Variants in GALNT2 observed in about 807,000 individuals in gnomAD.
The protein encoded by GALNT2 is UDP-GalNAc:polypeptide N-acetylgalactosaminyltransferase 2.
Under a neutral mutation model 81.4 loss-of-function variants are expected in GALNT2, and 31 were observed. The observed-to-expected ratio is 0.38, with a 90% CI of 0.29 to 0.51. The LOEUF (loss-of-function observed/expected upper bound fraction) is 0.51, where lower values mean the gene tolerates loss of function less well. Among genes scored for constraint, GALNT2 ranks in the 20% least tolerant of loss-of-function variants. The pLI is 0.87. For synonymous variants in GALNT2, 303 were observed against 287.4 expected, an observed-to-expected ratio of 1.05 and a Z score of -0.55; for missense variants, 629 against 765.7, an observed-to-expected ratio of 0.82 and a Z score of 2.11.
At chr1:230,087,781 TG>T (rs1659943287) in intron 1 of GALNT2, among the ~76,000 whole-genome samples, 1 of 152,230 alleles carries the variant, frequency 6.6e-6, no homozygotes, top group Non-Finnish European at 1.5e-5. Context: ...AGCTTGAGCT[TG>T]GTCTTCTCTT....
At chr1:230,251,516 T>C (rs566658228) in intron 10 of GALNT2, among the ~76,000 whole-genome samples, 18 of 152,364 alleles carry the variant, frequency 1.2e-4, no homozygotes, top group African/African-American at 4.3e-4. Flanking sequence ...AAAGCTTCTT[T>C]AGGCTCGATT....
chr1:230,164,675 A>G (rs1662546088), intron 1 of GALNT2, among the ~76,000 whole-genome samples: 1 of 151,890 alleles, frequency 6.6e-6, no homozygotes, highest in Non-Finnish European at 1.5e-5. Flanking sequence ...CTGGGACTAC[A>G]GGCGCCCGCC....
chr1:230,263,027 G>A, intron 13 of GALNT2, 22 bp downstream of exon 13: 1 of 1,596,248 alleles, frequency 6.3e-7, no homozygotes, highest in Middle Eastern at 1.7e-4. Flanking sequence ...GGGATCTGGG[G>A]TTTCACTTTG....
chr1:230,118,340 A>C (rs1004834897), intron 1 of GALNT2, among the ~76,000 whole-genome samples: 5 of 152,230 alleles, frequency 3.3e-5, no homozygotes, highest in African/African-American at 7.2e-5. Flanking sequence ...TGTGGACATA[A>C]GTTTTCAACT....
chr1:230,236,296 G>A, intron 4 of GALNT2, 57 bp from the exon 5 acceptor site: 1 of 1,551,320 alleles, frequency 6.4e-7, no homozygotes, highest in Non-Finnish European at 8.9e-7. Context: ...TCTACCCCAG[G>A]CTAAAAGTTT....
upstream of GALNT2, among the ~76,000 whole-genome samples, chr1:230,065,633 C>G (rs1445525052): frequency 6.6e-6 from 1 of 152,074 alleles, no homozygotes; most frequent in African/African-American, 2.4e-5. Flanking sequence ...TTTTCTGTTA[C>G]TAGGCATTTT....
intron 14 of GALNT2, among the ~76,000 whole-genome samples, chr1:230,267,355 A>G (rs1044266220): frequency 6.6e-6 from 1 of 152,246 alleles, no homozygotes; most frequent in Non-Finnish European, 1.5e-5. Context: ...GAAACAGAGG[A>G]GGCACCTGCT....
Position 230,279,521 on chromosome 1 carries a change from T to A in GALNT2, c.*63T>A, listed in dbSNP as rs1666380301. On this transcript the variant is annotated 3_prime_UTR_variant, in exon 16 of 16. Coordinates refer to ENST00000366672, the MANE Select transcript of GALNT2 (RefSeq NM_004481.5). This position sits in a 1 kb window ranked among gnomAD's most constrained non-coding sequence, Gnocchi z 4.6. ...CATTGGGTGGAGTCTGGTGATCACA[T>A]TATTGATTATGTTTCTTAAACTTTC... 9 of 1,550,778 alleles carry A rather than the reference T, an allele frequency of 5.8e-6. No individual in the cohort carries two copies. The African/African-American group carries it at 1.1e-4, about 19-fold the overall frequency.
chr1:230,263,070 C>A, intron 13 of GALNT2, 65 bp downstream of exon 13: 2 of 1,352,552 alleles, frequency 1.5e-6, no homozygotes, highest in Non-Finnish European at 2.1e-6. Flanking sequence ...GCCATAGAAG[C>A]AGCAGAGGGG....
intron 3 of GALNT2, among the ~76,000 whole-genome samples, chr1:230,223,912 C>A (rs1331689108): frequency 6.6e-6 from 1 of 152,210 alleles, no homozygotes; most frequent in African/African-American, 2.4e-5. Flanking sequence ...TCAGGGGTCC[C>A]ACAGACTCCA....
At chr1:230,075,121 CTTT>C (rs34482749) in intron 1 of GALNT2, among the ~76,000 whole-genome samples, 1 of 92,554 alleles carries the variant, frequency 1.1e-5, no homozygotes, top group Non-Finnish European at 1.9e-5. Context: ...GTCTGTTTTG[CTTT>C]TTTTTTTTTT....
At position 230,279,328 on chromosome 1, in the gene GALNT2, C is replaced by G. The variant is rs1410130049; in HGVS notation, c.1586C>G (p.Ser529Cys). ...RQKWEQIEGN[S>C]KLRHVGSNLC... ...AAATGGGAACAGATCGAGGGCAACT[C>G]CAAGCTGAGGCACGTGGGCAGCAAC... Residue 529 changes from serine (S) to cysteine (C), a missense_variant, in exon 16 of 16, where the codon TCC (serine) becomes TGC (cysteine). Ser to Cys is a moderately radical substitution (Grantham distance 112). Around this residue, in one of 3 missense-constraint regions of GALNT2, gnomAD observed 207 missense variants for 225.5 expected, o/e 0.92. Coordinates refer to ENST00000366672, the MANE Select transcript of GALNT2 (RefSeq NM_004481.5). The surrounding 1 kb of genome is among the most constrained non-coding windows in gnomAD (Gnocchi z 4.6). 1.2e-6 allele frequency: 2 copies of G among 1,614,054 alleles called. No homozygotes were observed. The highest frequency in any genetic ancestry group is 1.7e-6 in the Non-Finnish European group (2 of 1,180,046).
intron 2 of GALNT2, among the ~76,000 whole-genome samples, chr1:230,195,174 G>T (rs555582337): frequency 1.3e-5 from 2 of 152,250 alleles, no homozygotes; most frequent in Non-Finnish European, 2.9e-5. Context: ...GCCAGAACCC[G>T]AGAGGTGGCT....
At chr1:230,105,922 A>T (rs139417153) in intron 1 of GALNT2, among the ~76,000 whole-genome samples, 3 of 152,136 alleles carry the variant, frequency 2.0e-5, no homozygotes, top group African/African-American at 4.8e-5. Context: ...GCACACTTTC[A>T]TCTCTCCAGC....
intron 2 of GALNT2, among the ~76,000 whole-genome samples, chr1:230,198,111 A>G (rs952199338): frequency 1.3e-5 from 2 of 152,224 alleles, no homozygotes; most frequent in African/African-American, 4.8e-5. Context: ...AGTCACGCGC[A>G]GGATTGGATT....
chr1:230,150,883 C>T (rs749555194), intron 1 of GALNT2, among the ~76,000 whole-genome samples: 2 of 152,186 alleles, frequency 1.3e-5, no homozygotes, highest in African/African-American at 4.8e-5. Flanking sequence ...AGGAATCCAT[C>T]GTTTTCTTTG....
Position 230,252,843 on chromosome 1 carries a change from CTTTTTT to C in GALNT2, c.1009+2300_1009+2305del, listed in dbSNP as rs58544942. On this transcript the variant is annotated intron_variant, in intron 10 of 15. Transcript: ENST00000366672. ...TTATTTTCTGAAATAGAGACAACTTCTTTTTTTTTTTTTTTTTTTTTTGAGATGGAG... is the reference window on the plus strand; with the variant it reads ...TTATTTTCTGAAATAGAGACAACTTCTTTTTTTTTTTTTTTTGAGATGGAG... 7.4e-3 allele frequency among the ~76,000 whole-genome samples: 581 copies of C among 78,966 alleles called. 7 individuals are homozygous for C. Among genetic ancestry groups the C allele is most frequent in the African/African-American group, 0.028 (553 of 19,620 alleles). The allele number at this position is 78,966 out of a possible 152,430, so 51.8% of individuals were successfully genotyped here.
chr1:230,178,019 C>A (rs1185262050), intron 1 of GALNT2, among the ~76,000 whole-genome samples, 199 bp from the exon 2 acceptor site: 1 of 152,058 alleles, frequency 6.6e-6, no homozygotes, highest in East Asian at 1.9e-4. Context: ...AAGGTCATGC[C>A]CATACTTTTC....
rs1665356627 is a variant in GALNT2, at chr1:230,246,000, G to A, written c.730-63G>A. ...TGCCTGCCTAATACTAATGCCTTCT[G>A]TGGTTGGGCAGGTTTTTTGTTTTGC... On this transcript the variant is annotated intron_variant, in intron 7 of 15. Coordinates refer to ENST00000366672, the MANE Select transcript of GALNT2 (RefSeq NM_004481.5). 12 of 1,353,682 alleles carry A rather than the reference G, an allele frequency of 8.9e-6. No individual in the cohort carries two copies. In the South Asian group the frequency reaches 1.3e-4, roughly 14 times the overall value. 83.9% of individuals were successfully genotyped at this position (1,353,682 alleles called of 1,614,324 possible). A position where few individuals can be genotyped will look rare whatever the true frequency, so the allele number is the denominator to read the frequency against.
Sources: gnomAD v4.1 joint callset for allele counts (sites outside exome capture counted in the v4.1 genomes callset) on GRCh38, gnomAD v4.1.1 for gene constraint, gnomAD v4.1.1 regional missense constraint, Gnocchi (gnomAD v3.1) non-coding constraint, MANE v1.5 for transcripts, NCBI Gene and HGNC (gene_info 2026-07-23, HGNC 2026-07-21) for gene names.